SCFD2: variants seen among roughly 807,000 people sequenced by gnomAD.
The protein encoded by SCFD2 is sec1 family domain containing 2.
Under a neutral mutation model 58.9 loss-of-function variants are expected in SCFD2, and 54 were observed. That is an observed-to-expected ratio of 0.92 (90% CI 0.74 to 1.15). The LOEUF is 1.15. Among genes scored for constraint, SCFD2 ranks in the 50% most tolerant of loss-of-function variants. The pLI is 0.00. For synonymous variants in SCFD2, 321 were observed against 335.9 expected, an observed-to-expected ratio of 0.96 and a Z score of 0.49; for missense variants, 805 against 836.6, an observed-to-expected ratio of 0.96 and a Z score of 0.47.
intron 1 of SCFD2, among the ~76,000 whole-genome samples, chr4:53,363,620 G>T (rs73154945): frequency 6.6e-6 from 1 of 151,926 alleles, no homozygotes; most frequent in South Asian, 2.1e-4. Context: ...GATCACGCGA[G>T]GTCAGGAGAT....
At chr4:53,331,353 T>A (rs373028312) in intron 2 of SCFD2, among the ~76,000 whole-genome samples, 1 of 151,604 alleles carries the variant, frequency 6.6e-6, no homozygotes, top group African/African-American at 2.4e-5. Flanking sequence ...GAAGTAAAGC[T>A]CTCCTCAGCA....
At chr4:53,271,820 A>C (rs1731178025) in intron 4 of SCFD2, among the ~76,000 whole-genome samples, 1 of 152,174 alleles carries the variant, frequency 6.6e-6, no homozygotes, top group African/African-American at 2.4e-5. Flanking sequence ...AAAACACCAA[A>C]AGCAATGGCA....
At chr4:53,111,094 A>T (rs574753165) in intron 5 of SCFD2, among the ~76,000 whole-genome samples, 1 of 152,038 alleles carries the variant, frequency 6.6e-6, no homozygotes, top group South Asian at 2.1e-4. Context: ...GAACAGAAAA[A>T]CAAACACTGC....
intron 4 of SCFD2, among the ~76,000 whole-genome samples, chr4:53,204,233 C>G (rs573259872): frequency 2.0e-4 from 30 of 152,088 alleles, no homozygotes; most frequent in Middle Eastern, 6.8e-3. Flanking sequence ...TATCCAATAT[C>G]TGCAGAAAGT....
intron 5 of SCFD2, among the ~76,000 whole-genome samples, chr4:53,022,064 G>A (rs1722362239): frequency 6.6e-6 from 1 of 152,176 alleles, no homozygotes; most frequent in Admixed American, 6.5e-5. Flanking sequence ...CAGGTGATTT[G>A]TGTTGTTGTC....
At chr4:53,043,708 C>T (rs1208744493) in intron 5 of SCFD2, among the ~76,000 whole-genome samples, 1 of 152,026 alleles carries the variant, frequency 6.6e-6, no homozygotes, top group Non-Finnish European at 1.5e-5. Context: ...TGTGAGGATA[C>T]ACACCAGATT....
intron 5 of SCFD2, among the ~76,000 whole-genome samples, chr4:52,992,396 G>A (rs957655169): frequency 1.3e-5 from 2 of 152,168 alleles, no homozygotes; most frequent in South Asian, 2.1e-4. Flanking sequence ...CCTCCCAGCC[G>A]CCTGCCTTGG....
At chr4:52,881,480 G>T (rs1196250718) in intron 8 of SCFD2, among the ~76,000 whole-genome samples, 1 of 152,190 alleles carries the variant, frequency 6.6e-6, no homozygotes, top group East Asian at 1.9e-4. Context: ...CATAAAAGTA[G>T]GAATGTCTCT....
At chr4:52,994,214 C>G (rs942906041) in intron 5 of SCFD2, among the ~76,000 whole-genome samples, 2 of 152,238 alleles carry the variant, frequency 1.3e-5, no homozygotes, top group Non-Finnish European at 2.9e-5. Context: ...TGGATGAACT[C>G]TGACCAAACC....
intron 4 of SCFD2, among the ~76,000 whole-genome samples, chr4:53,171,581 A>T (rs1264598689): frequency 1.3e-5 from 2 of 152,202 alleles, no homozygotes; most frequent in Admixed American, 6.5e-5. Flanking sequence ...GATTGGCATT[A>T]GTTCTTTTTT....
At chr4:53,118,854 T>A (rs951711874) in intron 5 of SCFD2, among the ~76,000 whole-genome samples, 8 of 151,850 alleles carry the variant, frequency 5.3e-5, no homozygotes, top group Non-Finnish European at 1.2e-4. Flanking sequence ...AAAAAAAAAA[T>A]AAAATAAAAG....
At chr4:52,973,971 C>A (rs933372213) in intron 5 of SCFD2, among the ~76,000 whole-genome samples, 1 of 152,116 alleles carries the variant, frequency 6.6e-6, no homozygotes, top group Non-Finnish European at 1.5e-5. Flanking sequence ...ATTCAACAAC[C>A]CTTCATGCTA....
At chr4:53,314,016 G>C (rs1732782403) in intron 2 of SCFD2, among the ~76,000 whole-genome samples, 1 of 151,984 alleles carries the variant, frequency 6.6e-6, no homozygotes, top group African/African-American at 2.4e-5. Context: ...GAGAAGTGTG[G>C]GAAAACTATG....
chr4:53,255,197 TTTTA>T (rs36000814), intron 4 of SCFD2, among the ~76,000 whole-genome samples: 46 of 140,676 alleles, frequency 3.3e-4, no homozygotes, highest in Middle Eastern at 3.6e-3. Context: ...TTTTTTTCTT[TTTTA>T]TTTATTTATT....
chr4:53,063,400 G>A (rs539559251), intron 5 of SCFD2, among the ~76,000 whole-genome samples: 2 of 152,094 alleles, frequency 1.3e-5, no homozygotes, highest in East Asian at 1.9e-4. Flanking sequence ...GTTCTTTAAA[G>A]GAAAGATATC....
rs1489276425 is a variant in SCFD2, at chr4:53,176,178, A to G, written c.1312-30596T>C. Among the ~76,000 whole-genome samples the G allele has an allele frequency of 3.9e-5, 6 of 152,382 alleles. No individual in the cohort carries two copies. In the South Asian group the frequency reaches 8.3e-4, roughly 21 times the overall value. On this transcript the variant is annotated intron_variant, in intron 4 of 8. Coordinates refer to ENST00000401642, the MANE Select transcript of SCFD2 (RefSeq NM_152540.4). ...TTAGATTTCAATTAAATAACAGTCA[A>G]ACCAGATACATTATAGCCTACCTAC...
chr4:52,973,975 C>A (rs1251148354), intron 5 of SCFD2, among the ~76,000 whole-genome samples: 1 of 152,222 alleles, frequency 6.6e-6, no homozygotes, highest in Non-Finnish European at 1.5e-5. Context: ...AACAACCCTT[C>A]ATGCTAAAAA....
At chr4:53,140,771 G>T (rs1255288002) in intron 5 of SCFD2, among the ~76,000 whole-genome samples, 3 of 152,116 alleles carry the variant, frequency 2.0e-5, no homozygotes, top group Non-Finnish European at 4.4e-5. Flanking sequence ...TACATGAAAT[G>T]GTTACCACAG....
At chr4:52,915,651 G>A (rs978946091) in intron 6 of SCFD2, among the ~76,000 whole-genome samples, 1 of 152,112 alleles carries the variant, frequency 6.6e-6, no homozygotes, top group African/African-American at 2.4e-5. Flanking sequence ...TTAAAAATTT[G>A]AGTATAGCCC....
Sources: gnomAD v4.1 joint callset for allele counts (sites outside exome capture counted in the v4.1 genomes callset) on GRCh38, gnomAD v4.1.1 for gene constraint, MANE v1.5 for transcripts, NCBI Gene and HGNC (gene_info 2026-07-23, HGNC 2026-07-21) for gene names.